Variants in DZIP1L observed in about 807,000 individuals in gnomAD.
The protein encoded by DZIP1L is cilium assembly protein DZIP1L.
DZIP1L carries 90 observed loss-of-function variants against 88.7 expected under a neutral mutation model. The ratio of observed to expected loss-of-function variants is 1.02; its 90% CI spans 0.86 to 1.21. The LOEUF is 1.21. Among genes scored for constraint, DZIP1L ranks in the 50% most tolerant of loss-of-function variants. The probability of loss-of-function intolerance (pLI) is 0.00; values close to 1 mark genes in which losing one functional copy is unlikely to be tolerated. For missense variants in DZIP1L, 932 were observed against 955.8 expected (o/e 0.98, Z 0.33); for synonymous variants, 363 against 372.1 (o/e 0.98, Z 0.28).
chr3:138,075,394 AGAT>A (rs1237137155), intron 11 of DZIP1L, among the ~76,000 whole-genome samples: 6 of 152,256 alleles, frequency 3.9e-5, no homozygotes, highest in Non-Finnish European at 8.8e-5. Context: ...AAGATAGACC[AGAT>A]GATAGGCCAC....
intron 2 of DZIP1L, 55 bp from the exon 3 acceptor site, chr3:138,097,902 G>T (rs970889721): frequency 1.3e-6 from 2 of 1,504,620 alleles, no homozygotes; most frequent in Non-Finnish European, 1.8e-6. Context: ...GAGTCAGCCT[G>T]GGATTTTCCC....
intron 1 of DZIP1L, among the ~76,000 whole-genome samples, chr3:138,107,234 G>A (rs1190933459): frequency 6.6e-6 from 1 of 152,158 alleles, no homozygotes; most frequent in Non-Finnish European, 1.5e-5. Flanking sequence ...ACATTTAAGA[G>A]GTGATTAAGT....
chr3:138,114,801 T>A (rs1281590783), intron 1 of DZIP1L, among the ~76,000 whole-genome samples: 2 of 152,064 alleles, frequency 1.3e-5, no homozygotes, highest in African/African-American at 4.8e-5. Flanking sequence ...TCGGTGGACT[T>A]TATGCGCAGC....
chr3:138,092,447 T>G lies in DZIP1L; in HGVS notation c.806A>C (p.Lys269Thr), dbSNP rs758939814. 3.7e-6 allele frequency: 6 copies of G among 1,607,366 alleles called. No homozygotes were observed. The East Asian group carries it at 1.3e-4, about 36-fold the overall frequency. The change falls in exon 5 of 16, where the codon AAA becomes ACA. Residue 269 changes from lysine to threonine, a missense_variant. Physicochemically the swap from Lys to Thr is moderately conservative, Grantham distance 78. Coordinates refer to ENST00000327532, the MANE Select transcript of DZIP1L (RefSeq NM_173543.3). ...TTCATCCCAAAATAATTTTTTTAGT[T>G]TATCTATTTCCCCATAAAGTTTGGT... ...EWTKLYGEID[K>T]LKKLFWDEFK...
At chr3:138,096,222 T>C (rs1453108500) in intron 3 of DZIP1L, among the ~76,000 whole-genome samples, 3 of 152,176 alleles carry the variant, frequency 2.0e-5, no homozygotes, top group African/African-American at 7.2e-5. Flanking sequence ...GCCATGACCA[T>C]TAATATAGCA....
rs113411509 is a variant in DZIP1L at position 138,091,451 on chromosome 3, C to T, written c.870+932G>A. ...TGATCAACATGGTGAAACCCCGTCT[C>T]TATGAAAAATACAAAAATTAGCCAG... On this transcript the variant is annotated intron_variant, in intron 5 of 15. Transcript: ENST00000327532. 2.1e-3 allele frequency among the ~76,000 whole-genome samples: 315 copies of T among 151,608 alleles called. 1 individual carries two copies. Among genetic ancestry groups the T allele is most frequent in the African/African-American group, 7.3e-3 (303 of 41,364 alleles).
rs1942748995 is a variant in DZIP1L at position 138,062,683 on chromosome 3, C to T, written c.*133G>A. Reference sequence around the variant, plus strand: ...GGGATGAGATCATATCCATTCCCTGCACTGCTTCTCTCCAAGAGGATGATC... The same window carrying T: ...GGGATGAGATCATATCCATTCCCTGTACTGCTTCTCTCCAAGAGGATGATC... On this transcript the variant is annotated 3_prime_UTR_variant, in exon 16 of 16. Coordinates refer to ENST00000327532, the MANE Select transcript of DZIP1L (RefSeq NM_173543.3). The T allele has an allele frequency of 1.9e-6, 2 of 1,071,482 alleles. No homozygotes were observed. The highest frequency in any genetic ancestry group is 2.7e-6 in the Non-Finnish European group (2 of 732,512). The allele number at this position is 1,071,482 out of a possible 1,614,324, so 66.4% of individuals were successfully genotyped here. A position where few individuals can be genotyped will look rare whatever the true frequency, so the allele number is the denominator to read the frequency against.
In DZIP1L at chr3:138,088,477, T is replaced by G. The variant is rs1163877519; in HGVS notation, c.901A>C (p.Met301Leu). The change falls in exon 6 of 16, where the codon ATG becomes CTG. Residue 301 changes from methionine (M) to leucine (L), a missense_variant. Coordinates refer to ENST00000327532, the MANE Select transcript of DZIP1L (RefSeq NM_173543.3). The part of the protein sequence containing the change: ...KLRALQSHSV[M>L]ESKLGSLRDE... ...CGCAGTGATCCCAGCTTGGACTCCA[T>G]CACACTGTGGGACTGCAGTGCCCGC... 6.2e-7 allele frequency: 1 copy of G among 1,613,864 alleles called. No homozygotes were observed. Among genetic ancestry groups the G allele is most frequent in the Admixed American group, 1.7e-5 (1 of 59,986 alleles).
At position 138,062,663 on chromosome 3, in the gene DZIP1L, G is replaced by A. The variant is rs569818046; in HGVS notation, c.*153C>T. On this transcript the variant is annotated 3_prime_UTR_variant, in exon 16 of 16. Coordinates refer to ENST00000327532, the MANE Select transcript of DZIP1L (RefSeq NM_173543.3). ...GGGCCCCTCACAGGTCAGGAGGGATGAGATCATATCCATTCCCTGCACTGC... is the reference window on the plus strand; with the variant it reads ...GGGCCCCTCACAGGTCAGGAGGGATAAGATCATATCCATTCCCTGCACTGC... 2.1e-5 allele frequency: 19 copies of A among 894,538 alleles called. No homozygotes were observed. The African/African-American group carries it at 2.5e-4, about 12-fold the overall frequency. 55.4% of individuals were successfully genotyped at this position (894,538 alleles called of 1,614,324 possible). A position where few individuals can be genotyped will look rare whatever the true frequency, so the allele number is the denominator to read the frequency against.
At chr3:138,091,280 T>C (rs1944208512) in intron 5 of DZIP1L, among the ~76,000 whole-genome samples, 1 of 151,956 alleles carries the variant, frequency 6.6e-6, no homozygotes, top group African/African-American at 2.4e-5. Context: ...CTTAGCTAAG[T>C]GACCTTGGGC....
At chr3:138,097,650 CAGTG>C (rs1362040522) in intron 3 of DZIP1L, 109 bp downstream of exon 3, 1 of 951,740 alleles carries the variant, frequency 1.1e-6, no homozygotes, top group Non-Finnish European at 1.6e-6. Context: ...CCCAATTGGA[CAGTG>C]AGGTTCTGAG....
chr3:138,064,257 A>G (rs1243195399), intron 15 of DZIP1L: 2 of 842,464 alleles, frequency 2.4e-6, no homozygotes, highest in African/African-American at 1.8e-5. Context: ...GTTAGGGTCC[A>G]TGGCAGAGTG....
At chr3:138,080,053 C>T (rs1361185899) in intron 10 of DZIP1L, among the ~76,000 whole-genome samples, 3 of 152,164 alleles carry the variant, frequency 2.0e-5, no homozygotes, top group Admixed American at 1.3e-4. Flanking sequence ...GAATCAGAGT[C>T]AATCACTGGA....
intron 5 of DZIP1L, chr3:138,088,716 A>G: frequency 1.6e-6 from 2 of 1,239,260 alleles, no homozygotes; most frequent in Non-Finnish European, 2.0e-6. Flanking sequence ...GCATAGAAAA[A>G]GCAATTCCAT....
At position 138,068,017 on chromosome 3, in the gene DZIP1L, C is replaced by A. The variant is rs1369248311; in HGVS notation, c.1832+134G>T. 8.3e-6 allele frequency: 7 copies of A among 844,222 alleles called. No homozygotes were observed. The East Asian group carries it at 2.3e-4, about 27-fold the overall frequency. The allele number at this position is 844,222 out of a possible 1,614,324, so 52.3% of individuals were successfully genotyped here. A position where few individuals can be genotyped will look rare whatever the true frequency, so the allele number is the denominator to read the frequency against. ...AGTCCAGAGCTCAGACTGGACCCCA[C>A]CTGAGGCACCTTCTATTCACATGTG... On this transcript the variant is annotated intron_variant, in intron 13 of 15. Coordinates refer to ENST00000327532, the MANE Select transcript of DZIP1L (RefSeq NM_173543.3).
Position 138,077,571 on chromosome 3 carries a change from A to T in DZIP1L, c.1350T>A (p.Thr450=). 1 of 1,614,114 alleles carries T rather than the reference A, an allele frequency of 6.2e-7. No individual in the cohort carries two copies. The highest frequency in any genetic ancestry group is 1.1e-5 in the South Asian group (1 of 91,068). The change falls in exon 11 of 16, where the codon ACT becomes ACA. Residue 450 remains threonine, a synonymous_variant. Transcript: ENST00000327532. ...GGATTGGTCTGAAGTGCTTCAGCAA[A>T]GTGGGGTTACGCCTCAGAGCTGCCA... ...KVLAALRRNP[T]LLKHFRPILE... is the part of the protein sequence containing the mutation.
intron 1 of DZIP1L, among the ~76,000 whole-genome samples, chr3:138,104,711 A>G (rs1184830065): frequency 6.6e-6 from 1 of 152,182 alleles, no homozygotes; most frequent in Non-Finnish European, 1.5e-5. Flanking sequence ...GGGGCTTAAG[A>G]GAGTTACGGA....
At chr3:138,110,103 T>A (rs1213157338) in intron 1 of DZIP1L, among the ~76,000 whole-genome samples, 1 of 152,070 alleles carries the variant, frequency 6.6e-6, no homozygotes, top group African/African-American at 2.4e-5. Flanking sequence ...AATAAATAGA[T>A]CCCATTTGTC....
intron 11 of DZIP1L, among the ~76,000 whole-genome samples, chr3:138,074,734 A>G (rs201822158): frequency 3.1e-4 from 10 of 32,478 alleles, no homozygotes; most frequent in Non-Finnish European, 1.6e-3. Context: ...TAATACACGA[A>G]AAAAAAAAAA....
Sources: gnomAD v4.1 joint callset for allele counts (sites outside exome capture counted in the v4.1 genomes callset) on GRCh38, gnomAD v4.1.1 for gene constraint, MANE v1.5 for transcripts, NCBI Gene and HGNC (gene_info 2026-07-23, HGNC 2026-07-21) for gene names.